TASP1: variants seen among roughly 807,000 people sequenced by gnomAD.
The protein encoded by TASP1 is taspase 1.
TASP1 carries 16 observed loss-of-function variants against 56.6 expected under a neutral mutation model. That is an observed-to-expected ratio of 0.28 (90% CI 0.19 to 0.43). The LOEUF is 0.43. TASP1 is among the 20% of genes least tolerant of loss of function. The pLI, the probability that TASP1 is intolerant of heterozygous loss-of-function variation, is 1.00. For missense variants in TASP1, 393 were observed against 511.6 expected, an observed-to-expected ratio of 0.77 and a Z score of 2.24; for synonymous variants, 179 against 184.2, an observed-to-expected ratio of 0.97 and a Z score of 0.23.
chr20:13,421,918 C>T (rs1467510769), intron 12 of TASP1, among the ~76,000 whole-genome samples: 2 of 150,092 alleles, frequency 1.3e-5, no homozygotes, highest in Non-Finnish European at 3.0e-5. Context: ...AGCATATCAA[C>T]AAATAACCTT....
In TASP1 at chr20:13,389,444, A is replaced by G. The variant is rs911483452; in HGVS notation, c.*916T>C. ...TCTGAGAAGAGGAGTCACATACTAT[A>G]CCCAGTAATACGCTTCTTTTATTTT... On this transcript the variant is annotated 3_prime_UTR_variant, in exon 14 of 14. Coordinates refer to ENST00000337743, the MANE Select transcript of TASP1 (RefSeq NM_017714.3). The G allele has an allele frequency of 6.6e-6, 1 of 152,280 alleles. No homozygotes were observed. Among genetic ancestry groups the G allele is most frequent in the Non-Finnish European group, 1.5e-5 (1 of 68,050 alleles). The allele number at this position is 152,280 out of a possible 1,614,324, so 9.4% of individuals were successfully genotyped here.
the TASP1 span, among the ~76,000 whole-genome samples, chr20:13,357,248 T>C: frequency 6.6e-6 from 1 of 152,118 alleles, no homozygotes; most frequent in East Asian, 1.9e-4. Context: ...ATAGGAAGAA[T>C]TAGTAATCTT....
chr20:13,269,243 G>A, the TASP1 span, among the ~76,000 whole-genome samples: 2 of 152,170 alleles, frequency 1.3e-5, no homozygotes, highest in African/African-American at 4.8e-5. Context: ...ACATGAAAAT[G>A]CTATCCCTGA....
intron 4 of TASP1, among the ~76,000 whole-genome samples, chr20:13,597,957 T>G (rs1248794215): frequency 6.6e-6 from 1 of 152,080 alleles, no homozygotes; most frequent in Non-Finnish European, 1.5e-5. Flanking sequence ...ATAAAATACC[T>G]AGGAATCCAA....
At chr20:13,500,591 C>A (rs1289723844) in intron 10 of TASP1, among the ~76,000 whole-genome samples, 3 of 151,344 alleles carry the variant, frequency 2.0e-5, no homozygotes, top group Non-Finnish European at 4.4e-5. Flanking sequence ...TAAAATAAAT[C>A]AAAAAGAAAT....
intron 13 of TASP1, among the ~76,000 whole-genome samples, chr20:13,392,458 G>A (rs1167965676): frequency 1.3e-5 from 2 of 152,162 alleles, no homozygotes; most frequent in Non-Finnish European, 2.9e-5. Flanking sequence ...ATTGAAAGTC[G>A]GTTTTGGGCA....
At chr20:13,527,442 A>G (rs2045025434) in intron 10 of TASP1, among the ~76,000 whole-genome samples, 1 of 152,200 alleles carries the variant, frequency 6.6e-6, no homozygotes, top group Non-Finnish European at 1.5e-5. Context: ...GAAGGATAAC[A>G]TGAAAAAGGA....
the TASP1 span, chr20:13,239,495 G>C: frequency 6.6e-6 from 1 of 152,316 alleles, no homozygotes; most frequent in Non-Finnish European, 1.5e-5. Context: ...AATTATTGTG[G>C]TGTGCCCCAA....
At chr20:13,215,970 A>G in the TASP1 span, among the ~76,000 whole-genome samples, 1 of 152,230 alleles carries the variant, frequency 6.6e-6, no homozygotes, top group African/African-American at 2.4e-5. Context: ...CTCTAATGGA[A>G]CAACACTTCA....
chr20:13,435,509 C>A (rs957113528), intron 11 of TASP1, among the ~76,000 whole-genome samples: 2 of 152,216 alleles, frequency 1.3e-5, no homozygotes, highest in Admixed American at 6.5e-5. Flanking sequence ...GGATCACTTA[C>A]CACAGGCTCT....
the TASP1 span, chr20:13,292,585 C>T: frequency 3.0e-6 from 2 of 667,922 alleles, no homozygotes; most frequent in Non-Finnish European, 5.3e-6. Context: ...GGGTCCAGTG[C>T]TCCCAGCATG....
At chr20:13,371,260 G>A in the TASP1 span, among the ~76,000 whole-genome samples, 1 of 152,016 alleles carries the variant, frequency 6.6e-6, no homozygotes, top group Non-Finnish European at 1.5e-5. Flanking sequence ...ATGTTTGGTT[G>A]TTGATATGGG....
At chr20:13,627,926 C>T (rs1222466792) in intron 2 of TASP1, among the ~76,000 whole-genome samples, 1 of 152,132 alleles carries the variant, frequency 6.6e-6, no homozygotes, top group African/African-American at 2.4e-5. Context: ...AAGTAATCTT[C>T]CTTAGGATGT....
chr20:13,624,797 G>A (rs954929485), intron 3 of TASP1, among the ~76,000 whole-genome samples: 4 of 152,066 alleles, frequency 2.6e-5, no homozygotes, highest in African/African-American at 4.8e-5. Context: ...AAAACAGAAT[G>A]AAAAAGTATA....
intron 11 of TASP1, among the ~76,000 whole-genome samples, chr20:13,477,095 G>A (rs75792212): frequency 6.6e-6 from 1 of 151,776 alleles, no homozygotes; most frequent in South Asian, 2.1e-4. Context: ...GTAATTACAG[G>A]GTACTTTTGT....
Position 13,395,333 on chromosome 20 carries a change from T to G in TASP1, c.1171-4881A>C, listed in dbSNP as rs574783407. The stretch of plus-strand genomic sequence containing the variant: ...CAGGACTCTAGCCTCCTGAGACAAG[T>G]GTGTTCAGCTCAATTTTATGTTACC... On this transcript the variant is annotated intron_variant, in intron 13 of 13. Transcript: ENST00000337743. Among the ~76,000 whole-genome samples, 3 of 152,336 alleles carry G rather than the reference T, an allele frequency of 2.0e-5. No individual in the cohort carries two copies. In the East Asian group the frequency reaches 5.8e-4, roughly 29 times the overall value.
intron 4 of TASP1, among the ~76,000 whole-genome samples, chr20:13,592,773 T>C (rs553731555): frequency 6.6e-6 from 1 of 152,194 alleles, no homozygotes; most frequent in Non-Finnish European, 1.5e-5. Context: ...GCTTCTCTTT[T>C]TCTAGTTTCT....
At chr20:13,368,865 C>A in the TASP1 span, among the ~76,000 whole-genome samples, 73,986 of 152,024 alleles carry the variant, frequency 0.49, 19,695 homozygotes, top group Non-Finnish European at 0.59. Context: ...ACCTGAAATA[C>A]TCTAGACTTG....
chr20:13,362,838 T>TATATATATATATATATATATA, the TASP1 span, among the ~76,000 whole-genome samples: 65 of 145,114 alleles, frequency 4.5e-4, no homozygotes, highest in African/African-American at 6.6e-4. Context: ...TATATATATA[T>TATATATATATATATATATATA]TTGTCTCTCC....
Sources: allele counts gnomAD v4.1 joint callset (sites outside exome capture counted in the v4.1 genomes callset), GRCh38; gene constraint gnomAD v4.1.1; transcripts MANE v1.5; gene names NCBI Gene and HGNC (gene_info 2026-07-23, HGNC 2026-07-21).